The following MYO5A variants were observed in gnomAD, a reference collection of about 807,000 sequenced individuals.
The protein encoded by MYO5A is unconventional myosin-Va.
Under a neutral mutation model 249.7 loss-of-function variants are expected in MYO5A, and 98 were observed. The ratio of observed to expected loss-of-function variants is 0.39; its 90% CI spans 0.33 to 0.46. MYO5A has a LOEUF of 0.46. Ranked by LOEUF, MYO5A falls within the 20% of genes least tolerant of loss-of-function variation. The pLI is 0.98. For synonymous variants in MYO5A, 778 were observed against 810.6 expected, an observed-to-expected ratio of 0.96 and a Z score of 0.68; for missense variants, 1,696 against 2,308.8, an observed-to-expected ratio of 0.73 and a Z score of 5.44.
At chr15:52,500,042 T>C (rs1371532372) in intron 1 of MYO5A, among the ~76,000 whole-genome samples, 2 of 152,134 alleles carry the variant, frequency 1.3e-5, no homozygotes. Context: ...GACAGAGGAA[T>C]ACTGCCTCTT....
intron 1 of MYO5A, among the ~76,000 whole-genome samples, chr15:52,473,008 A>G (rs1595748113): frequency 1.3e-5 from 2 of 152,374 alleles, no homozygotes; most frequent in African/African-American, 4.8e-5. Context: ...TAGTCCCACC[A>G]GCAGTGTAAA....
chr15:52,403,247 A>C (rs2141208291), intron 9 of MYO5A, among the ~76,000 whole-genome samples: 1 of 152,346 alleles, frequency 6.6e-6, no homozygotes, highest in South Asian at 2.1e-4. Context: ...GTTCTTTTTA[A>C]AAAATCCAGT....
chr15:52,367,374 C>T (rs752788851), intron 22 of MYO5A, among the ~76,000 whole-genome samples: 2 of 152,128 alleles, frequency 1.3e-5, no homozygotes, highest in East Asian at 1.9e-4. Context: ...TCTTTATATC[C>T]GTTATAAATG....
chr15:52,460,423 C>T (rs1008177615), intron 1 of MYO5A, among the ~76,000 whole-genome samples: 38 of 152,346 alleles, frequency 2.5e-4, no homozygotes, highest in Admixed American at 1.6e-3. Flanking sequence ...GGCTGGCAGA[C>T]CACTCGCCGT....
chr15:52,365,251 T>C (rs1322356448), intron 23 of MYO5A, among the ~76,000 whole-genome samples: 1 of 152,232 alleles, frequency 6.6e-6, no homozygotes, highest in African/African-American at 2.4e-5. Flanking sequence ...ACTTCCCAGC[T>C]TCTAACCAGA....
At chr15:52,380,762 G>A (rs1166584027) in intron 16 of MYO5A, among the ~76,000 whole-genome samples, 3 of 152,108 alleles carry the variant, frequency 2.0e-5, no homozygotes, top group South Asian at 2.1e-4. Flanking sequence ...GCGAGACTCC[G>A]TCTAAAAAAC....
chr15:52,528,349 A>G (rs1260320792), intron 1 of MYO5A, among the ~76,000 whole-genome samples: 10 of 152,222 alleles, frequency 6.6e-5, no homozygotes, highest in Admixed American at 6.5e-4. Flanking sequence ...GCGGCACTGC[A>G]TACCAACACA....
At chr15:52,434,394 AGAG>A (rs1362372379) in intron 1 of MYO5A, among the ~76,000 whole-genome samples, 3 of 152,180 alleles carry the variant, frequency 2.0e-5, no homozygotes, top group Non-Finnish European at 4.4e-5. Flanking sequence ...AGTAGGGAGA[AGAG>A]GAGAATAAAA....
chr15:52,314,030 AATAAAAG>A, intron 41 of MYO5A, 86 bp downstream of exon 41: 1 of 1,316,866 alleles, frequency 7.6e-7, no homozygotes, highest in Non-Finnish European at 1.1e-6. Flanking sequence ...AAAATAAGAT[AATAAAAG>A]ATAACACATT....
rs566997964 is a variant in MYO5A at position 52,520,328 on chromosome 15, T to C, written c.27+8452A>G. On this transcript the variant is annotated intron_variant, in intron 1 of 41. Coordinates refer to ENST00000399233, the MANE Select transcript of MYO5A (RefSeq NM_001382347.1). ...CTGGTCTCTGGGGTGAGCACAGACT[T>C]GACCACTCATGGTGCTCCTCACCTA... Among the ~76,000 whole-genome samples the C allele has an allele frequency of 2.6e-5, 4 of 152,276 alleles. No individual in the cohort carries two copies. The East Asian group carries it at 7.7e-4, about 29-fold the overall frequency.
In MYO5A at chr15:52,353,896, T is replaced by C. The variant is rs1229153367; in HGVS notation, c.3542A>G (p.Glu1181Gly). The change falls in exon 26 of 42, where the codon GAG (glutamate) becomes GGG (glycine). Residue 1181 changes from glutamate to glycine, a missense_variant. This residue lies in a region of MYO5A where 625 missense variants were observed against 908.1 expected (regional missense o/e 0.69). Transcript: ENST00000399233. The stretch of plus-strand genomic sequence containing the variant: ...CTTGGCCTTGCTGCGGAGCACCTGC[T>C]CCTCCTTGCGGTCCAGCTCATCCTG... ...VMQDELDRKEEQVLRSKAKEE... is the reference protein window; with the variant it reads ...VMQDELDRKEGQVLRSKAKEE... 25 of 1,614,134 alleles carry C rather than the reference T, an allele frequency of 1.5e-5. No individual in the cohort carries two copies. Among genetic ancestry groups the C allele is most frequent in the Middle Eastern group, 1.7e-4 (1 of 6,040 alleles).
chr15:52,502,472 G>T (rs1309330530), intron 1 of MYO5A, among the ~76,000 whole-genome samples: 1 of 152,138 alleles, frequency 6.6e-6, no homozygotes, highest in African/African-American at 2.4e-5. Context: ...ATTTAATAGT[G>T]CTGTAATTGC....
chr15:52,438,174 T>C (rs2075706650), intron 1 of MYO5A: 4 of 416,434 alleles, frequency 9.6e-6, no homozygotes, highest in Non-Finnish European at 1.3e-5. Flanking sequence ...CACTTCCTAC[T>C]GCTTTCATCA....
At chr15:52,494,752 C>G (rs2077004253) in intron 1 of MYO5A, among the ~76,000 whole-genome samples, 1 of 152,184 alleles carries the variant, frequency 6.6e-6, no homozygotes, top group South Asian at 2.1e-4. Flanking sequence ...TTTGGCCTCC[C>G]AAAGTGCTGG....
At chr15:52,459,216 A>G (rs904568367) in intron 1 of MYO5A, among the ~76,000 whole-genome samples, 2 of 114,588 alleles carry the variant, frequency 1.7e-5, no homozygotes, top group Admixed American at 2.3e-4. Context: ...AGAGAGGGGG[A>G]TTTGGCAGGG....
At chr15:52,343,269 C>T in intron 30 of MYO5A, 72 bp from the exon 31 acceptor site, 3 of 1,175,936 alleles carry the variant, frequency 2.6e-6, no homozygotes, top group Non-Finnish European at 3.8e-6. Context: ...CGATGGTCAA[C>T]AGCAGCATGC....
chr15:52,432,851 T>A, intron 2 of MYO5A, among the ~76,000 whole-genome samples: 1 of 152,168 alleles, frequency 6.6e-6, no homozygotes, highest in East Asian at 1.9e-4. Flanking sequence ...TGCCTCTTTT[T>A]AAAAACACTA....
chr15:52,509,411 A>C (rs1038077646), intron 1 of MYO5A, among the ~76,000 whole-genome samples: 4 of 152,214 alleles, frequency 2.6e-5, no homozygotes, highest in Non-Finnish European at 5.9e-5. Context: ...TCTGTTTAAT[A>C]ATGCATCTTT....
At chr15:52,425,748 C>T (rs2075380909) in intron 4 of MYO5A, 82 bp downstream of exon 4, 1 of 1,511,374 alleles carries the variant, frequency 6.6e-7, no homozygotes, top group Admixed American at 1.7e-5. Context: ...TTGCCATTCA[C>T]TTTAAAATAT....
Sources: allele counts gnomAD v4.1 joint callset (sites outside exome capture counted in the v4.1 genomes callset), GRCh38; gene constraint gnomAD v4.1.1; regional missense constraint gnomAD v4.1.1; transcripts MANE v1.5; gene names NCBI Gene and HGNC (gene_info 2026-07-23, HGNC 2026-07-21).